RORA: variants seen among roughly 807,000 people sequenced by gnomAD.
RORA encodes nuclear receptor ROR-alpha.
In RORA, 7 loss-of-function variants were observed where a neutral mutation model predicts 69.5. That is an observed-to-expected ratio of 0.10 (90% CI 0.06 to 0.19). The LOEUF is 0.19. Among genes scored for constraint, RORA ranks in the 10% least tolerant of loss-of-function variants. The pLI is 1.00. For synonymous variants in RORA, 261 were observed against 240.8 expected, an observed-to-expected ratio of 1.08 and a Z score of -0.78; for missense variants, 457 against 663.0, an observed-to-expected ratio of 0.69 and a Z score of 3.41.
chr15:61,162,021 A>G (rs1186648393), intron 1 of RORA, among the ~76,000 whole-genome samples: 1 of 152,216 alleles, frequency 6.6e-6, no homozygotes, highest in African/African-American at 2.4e-5. Context: ...AGAAATGTAG[A>G]TATATACACA....
intron 1 of RORA, among the ~76,000 whole-genome samples, chr15:61,054,751 A>C (rs190973558): frequency 1.2e-3 from 186 of 152,318 alleles, no homozygotes; most frequent in African/African-American, 4.4e-3. Context: ...GGGCTGTACT[A>C]ATCAAACAAT....
intron 2 of RORA, chr15:60,627,105 G>T: frequency 1.3e-6 from 1 of 795,732 alleles, no homozygotes; most frequent in Non-Finnish European, 2.0e-6. Flanking sequence ...CAGTCCTCAT[G>T]GGCTTCATCT....
intron 1 of RORA, among the ~76,000 whole-genome samples, chr15:60,832,715 G>A (rs1216008408): frequency 6.6e-6 from 1 of 152,114 alleles, no homozygotes; most frequent in Non-Finnish European, 1.5e-5. Context: ...AAATATGCCA[G>A]AGGAAAAGTG....
chr15:60,728,047 T>C (rs948014534), intron 1 of RORA, among the ~76,000 whole-genome samples: 1 of 152,194 alleles, frequency 6.6e-6, no homozygotes, highest in African/African-American at 2.4e-5. Context: ...GAGCCTAGTA[T>C]TTTTCCTCTG....
chr15:60,511,127 G>A lies in RORA; in HGVS notation c.820+99C>T. The A allele has an allele frequency of 7.7e-7, 1 of 1,304,896 alleles. No individual in the cohort carries two copies. Among genetic ancestry groups the A allele is most frequent in the South Asian group, 1.4e-5 (1 of 69,740 alleles). The allele number at this position is 1,304,896 out of a possible 1,614,324, so 80.8% of individuals were successfully genotyped here. On this transcript the variant is annotated intron_variant, in intron 5 of 10. Transcript: ENST00000335670. The surrounding 1 kb of genome is among the most constrained non-coding windows in gnomAD (Gnocchi z 6.4). Reference sequence around the variant, plus strand: ...GTGGCCCAAATGGTAAAGGTGAATTGCATCATTTAGCAGAACTCATTAGAG... The same window carrying A: ...GTGGCCCAAATGGTAAAGGTGAATTACATCATTTAGCAGAACTCATTAGAG...
At chr15:61,057,570 G>T (rs1321291381) in intron 1 of RORA, among the ~76,000 whole-genome samples, 1 of 152,194 alleles carries the variant, frequency 6.6e-6, no homozygotes, top group African/African-American at 2.4e-5. Context: ...ATACTTACTT[G>T]TCTCTAAGGT....
chr15:61,022,575 G>T (rs1413147259), intron 1 of RORA, among the ~76,000 whole-genome samples: 1 of 152,082 alleles, frequency 6.6e-6, no homozygotes, highest in Non-Finnish European at 1.5e-5. Context: ...AATCTGCTAT[G>T]GACTGGGATG....
At chr15:60,870,495 T>C (rs1405803767) in intron 1 of RORA, among the ~76,000 whole-genome samples, 5 of 152,126 alleles carry the variant, frequency 3.3e-5, no homozygotes, top group Non-Finnish European at 2.9e-5. Flanking sequence ...GTAGTGGAAG[T>C]GTAGTGAGAG....
chr15:60,499,620 G>A (rs1228876901), intron 10 of RORA, among the ~76,000 whole-genome samples: 3 of 152,196 alleles, frequency 2.0e-5, no homozygotes. Context: ...TAACTTTGAT[G>A]GAAGAGAATT....
At chr15:61,152,060 T>C (rs1263288378) in intron 1 of RORA, among the ~76,000 whole-genome samples, 1 of 152,240 alleles carries the variant, frequency 6.6e-6, no homozygotes, top group Non-Finnish European at 1.5e-5. Flanking sequence ...CGCAGCTCAA[T>C]AGCTTCTCTA....
chr15:60,665,233 A>G (rs528575382), intron 2 of RORA, among the ~76,000 whole-genome samples: 10 of 152,254 alleles, frequency 6.6e-5, no homozygotes, highest in Non-Finnish European at 1.0e-4. Context: ...GGACAAATAC[A>G]GGATATTTCC....
intron 3 of RORA, among the ~76,000 whole-genome samples, chr15:60,522,014 G>C (rs1369229136): frequency 2.0e-5 from 3 of 152,264 alleles, no homozygotes; most frequent in African/African-American, 7.2e-5. Context: ...GATCCCATTA[G>C]ATGGGCGCTT....
At chr15:60,662,975 C>T (rs1555443970) in intron 2 of RORA, among the ~76,000 whole-genome samples, 1 of 152,156 alleles carries the variant, frequency 6.6e-6, no homozygotes, top group Non-Finnish European at 1.5e-5. Flanking sequence ...AGGTTATGCC[C>T]TTAGGTGCAG....
chr15:60,595,026 T>C (rs1237509406), intron 2 of RORA, among the ~76,000 whole-genome samples: 1 of 115,228 alleles, frequency 8.7e-6, no homozygotes, highest in Non-Finnish European at 1.7e-5. Flanking sequence ...GTAAAAACTA[T>C]AGGCTGTTTT....
chr15:60,696,254 C>T (rs2070902920), intron 1 of RORA, among the ~76,000 whole-genome samples: 1 of 152,178 alleles, frequency 6.6e-6, no homozygotes, highest in African/African-American at 2.4e-5. Context: ...CCAAGTACAG[C>T]CACGGAGCCG....
At position 61,229,192 on chromosome 15, in the gene RORA, G is replaced by A; in HGVS notation, c.27C>T (p.Asp9=). 1 of 1,551,358 alleles carries A rather than the reference G, an allele frequency of 6.4e-7. No homozygotes were observed. The highest frequency in any genetic ancestry group is 8.7e-7 in the Non-Finnish European group (1 of 1,151,226). The part of the protein sequence containing the change: MESAPAAP[D]PAASEPGSSG... ...TGCTGCCTGGCTCGCTGGCGGCGGG[G>A]TCGGGGGCTGCCGGAGCTGACTCCA... is the stretch of plus-strand genomic sequence containing the variant. The change falls in exon 1 of 11, where the codon GAC becomes GAT. Residue 9 remains aspartate, a synonymous_variant. Transcript: ENST00000335670.
chr15:60,500,739 G>A (rs2065305910), intron 9 of RORA, among the ~76,000 whole-genome samples: 2 of 152,078 alleles, frequency 1.3e-5, no homozygotes, highest in Admixed American at 6.5e-5. Context: ...TTTACATTTT[G>A]TCTGAAAGGC....
chr15:60,638,412 T>C (rs1380635737), intron 2 of RORA, among the ~76,000 whole-genome samples: 6 of 147,996 alleles, frequency 4.1e-5, no homozygotes, highest in African/African-American at 1.5e-4. Context: ...TGTCAAATGG[T>C]ATAAAAGCTT....
intron 1 of RORA, among the ~76,000 whole-genome samples, chr15:61,215,948 C>T (rs185294472): frequency 6.6e-6 from 1 of 152,192 alleles, no homozygotes; most frequent in Non-Finnish European, 1.5e-5. Flanking sequence ...ATATTAGAAT[C>T]GGCTTCCAAC....
Sources: allele counts gnomAD v4.1 joint callset (sites outside exome capture counted in the v4.1 genomes callset), GRCh38; gene constraint gnomAD v4.1.1; non-coding constraint Gnocchi (gnomAD v3.1); transcripts MANE v1.5; gene names NCBI Gene and HGNC (gene_info 2026-07-23, HGNC 2026-07-21).